Variants in MEIS1 observed in about 807,000 individuals in gnomAD.
MEIS1 encodes the protein homeobox protein Meis1.
In MEIS1, 5 loss-of-function variants were observed where a neutral mutation model predicts 50.8. The ratio of observed to expected loss-of-function variants is 0.10; its 90% CI spans 0.05 to 0.21. The LOEUF (loss-of-function observed/expected upper bound fraction) is 0.21. Among genes scored for constraint, MEIS1 ranks in the 10% least tolerant of loss-of-function variants. The pLI is 1.00. For synonymous variants in MEIS1, 176 were observed against 179.3 expected (o/e 0.98, Z 0.15); for missense variants, 318 against 517.3 (o/e 0.61, Z 3.74).
At chr2:66,444,179 T>C (rs1242838540) in intron 6 of MEIS1, among the ~76,000 whole-genome samples, 2 of 151,378 alleles carry the variant, frequency 1.3e-5, no homozygotes, top group African/African-American at 4.8e-5. Context: ...CTCCCACCCT[T>C]CCCCCCTATA....
At chr2:66,488,211 G>A (rs1266096809) in intron 7 of MEIS1, among the ~76,000 whole-genome samples, 2 of 152,122 alleles carry the variant, frequency 1.3e-5, no homozygotes, top group Non-Finnish European at 2.9e-5. Context: ...CTATGCTGAT[G>A]GAAGAGTGTG....
intron 8 of MEIS1, among the ~76,000 whole-genome samples, chr2:66,540,744 A>G (rs1187669491): frequency 6.6e-6 from 1 of 152,262 alleles, no homozygotes; most frequent in Non-Finnish European, 1.5e-5. Flanking sequence ...AAGAGGATAT[A>G]AGTAATCACT....
At chr2:66,504,363 A>G (rs1673637059) in intron 7 of MEIS1, among the ~76,000 whole-genome samples, 1 of 152,172 alleles carries the variant, frequency 6.6e-6, no homozygotes, top group African/African-American at 2.4e-5. Flanking sequence ...CCTCCCGAGT[A>G]GCTGGGATTA....
intron 8 of MEIS1, among the ~76,000 whole-genome samples, chr2:66,513,652 A>G (rs1395937483): frequency 6.6e-6 from 1 of 152,112 alleles, no homozygotes; most frequent in African/African-American, 2.4e-5. Flanking sequence ...TCCAAACAGT[A>G]TCTAGACTAC....
At chr2:66,463,483 A>G (rs1435284567) in intron 6 of MEIS1, among the ~76,000 whole-genome samples, 1 of 152,170 alleles carries the variant, frequency 6.6e-6, no homozygotes, top group Non-Finnish European at 1.5e-5. Flanking sequence ...AAGAAGCAAC[A>G]TCTGTTTTCC....
In MEIS1 at chr2:66,537,088, GTGTC is replaced by G. The variant is rs1321977009; in HGVS notation, c.889-10851_889-10848del. Among the ~76,000 whole-genome samples, 3 of 152,292 alleles carry G rather than the reference GTGTC, an allele frequency of 2.0e-5. No individual in the cohort carries two copies. In the East Asian group the frequency reaches 5.8e-4, roughly 29 times the overall value. ...ACTTGGCTGAGGGTGCTGCTTGAGA[GTGTC>G]TGTTAGCTGGGCTTCAATCCACGTC... is the stretch of plus-strand genomic sequence containing the variant. On this transcript the variant is annotated intron_variant, in intron 8 of 12. Transcript: ENST00000272369.
At position 66,466,941 on chromosome 2, in the gene MEIS1, T is replaced by TAAA. The variant is rs397944047; in HGVS notation, c.742+2733_742+2735dup. ...ACCACTTCATTATGGCACCTGTGGT[T>TAAA]AAAAAAAAAAAAAAGAAAAGAAAGA... On this transcript the variant is annotated intron_variant, in intron 7 of 12. Coordinates refer to ENST00000272369, the MANE Select transcript of MEIS1 (RefSeq NM_002398.3). Among the ~76,000 whole-genome samples the TAAA allele has an allele frequency of 7.7e-5, 10 of 130,472 alleles. No homozygotes were observed. In the South Asian group the frequency reaches 9.9e-4, roughly 13 times the overall value. 85.6% of individuals were successfully genotyped at this position (130,472 alleles called of 152,430 possible). A position where few individuals can be genotyped will look rare whatever the true frequency, so the allele number is the denominator to read the frequency against.
At chr2:66,543,799 A>G (rs951895544) in intron 8 of MEIS1, among the ~76,000 whole-genome samples, 1 of 152,198 alleles carries the variant, frequency 6.6e-6, no homozygotes, top group African/African-American at 2.4e-5. Flanking sequence ...ATCTTGATCA[A>G]TTGTTTGCAA....
intron 9 of MEIS1, among the ~76,000 whole-genome samples, chr2:66,564,465 C>CAA (rs1370058618): frequency 6.6e-6 from 1 of 152,126 alleles, no homozygotes; most frequent in Non-Finnish European, 1.5e-5. Context: ...AGGACATAGA[C>CAA]AAAGATCAGC....
At chr2:66,564,586 G>A (rs143058356) in intron 9 of MEIS1, among the ~76,000 whole-genome samples, 2 of 152,248 alleles carry the variant, frequency 1.3e-5, no homozygotes, top group African/African-American at 4.8e-5. Flanking sequence ...AGGATTAGAG[G>A]GGAGAAGGCT....
intron 6 of MEIS1, chr2:66,443,473 G>C (rs1434083251): frequency 5.7e-6 from 1 of 175,100 alleles, no homozygotes; most frequent in Non-Finnish European, 1.2e-5. Context: ...TCCAAGATAG[G>C]TGGTCTAAGA....
intron 7 of MEIS1, among the ~76,000 whole-genome samples, chr2:66,473,338 A>T (rs908798922): frequency 4.2e-5 from 6 of 143,502 alleles, no homozygotes; most frequent in African/African-American, 1.6e-4. Context: ...AGATTGTGCC[A>T]TTGCACTCCA....
At chr2:66,460,073 G>C (rs1266395860) in intron 6 of MEIS1, among the ~76,000 whole-genome samples, 1 of 152,052 alleles carries the variant, frequency 6.6e-6, no homozygotes, top group Non-Finnish European at 1.5e-5. Context: ...AGAGTGAATG[G>C]TAGAAGAAAA....
chr2:66,543,844 T>A (rs950219352), intron 8 of MEIS1, among the ~76,000 whole-genome samples: 4 of 152,236 alleles, frequency 2.6e-5, no homozygotes, highest in African/African-American at 9.6e-5. Context: ...AGCATGAGGC[T>A]AATGTACACA....
chr2:66,568,779 G>T, intron 11 of MEIS1, 23 bp downstream of exon 11: 1 of 1,599,882 alleles, frequency 6.3e-7, no homozygotes, highest in Admixed American at 1.7e-5. Context: ...TTTTGTGGTA[G>T]TTCCTCATTT....
intron 7 of MEIS1, among the ~76,000 whole-genome samples, chr2:66,501,382 C>A (rs1053000143): frequency 6.6e-5 from 10 of 151,890 alleles, no homozygotes; most frequent in African/African-American, 2.4e-4. Flanking sequence ...GTACTCACAT[C>A]CTGAAGTTTC....
intron 9 of MEIS1, among the ~76,000 whole-genome samples, chr2:66,554,364 G>A (rs1039352474): frequency 1.3e-5 from 2 of 152,162 alleles, no homozygotes; most frequent in Non-Finnish European, 2.9e-5. Context: ...AACAGGCTGT[G>A]GGTCATGCAA....
intron 8 of MEIS1, among the ~76,000 whole-genome samples, chr2:66,540,348 G>A (rs548358383): frequency 6.6e-6 from 1 of 152,192 alleles, no homozygotes; most frequent in African/African-American, 2.4e-5. Context: ...GATGTCTGTT[G>A]CACAGGCTGG....
intron 7 of MEIS1, among the ~76,000 whole-genome samples, chr2:66,498,341 G>A (rs369572702): frequency 1.2e-4 from 19 of 152,260 alleles, no homozygotes; most frequent in South Asian, 4.2e-4. Context: ...GGGGTGAAAC[G>A]GGGCTTTGGA....
Sources: gnomAD v4.1 joint callset for allele counts (sites outside exome capture counted in the v4.1 genomes callset) on GRCh38, gnomAD v4.1.1 for gene constraint, MANE v1.5 for transcripts, NCBI Gene and HGNC (gene_info 2026-07-23, HGNC 2026-07-21) for gene names.